The following STXBP4 variants were observed in gnomAD, a reference collection of about 807,000 sequenced individuals.
STXBP4 encodes the protein syntaxin binding protein 4.
A neutral mutation model predicts 76.1 loss-of-function variants in STXBP4; 55 were observed. That is an observed-to-expected ratio of 0.72 (90% CI 0.58 to 0.91). The LOEUF (loss-of-function observed/expected upper bound fraction) is 0.91. Ranked by LOEUF, STXBP4 falls within the 40% of genes least tolerant of loss-of-function variation. The probability of loss-of-function intolerance (pLI) is 0.00; values close to 1 mark genes in which losing one functional copy is unlikely to be tolerated. For missense variants in STXBP4, 618 were observed against 636.9 expected (o/e 0.97, Z 0.32); for synonymous variants, 201 against 220.2 (o/e 0.91, Z 0.77).
intron 10 of STXBP4, among the ~76,000 whole-genome samples, chr17:55,039,074 G>A (rs1057031100): frequency 6.6e-6 from 1 of 152,152 alleles, no homozygotes; most frequent in African/African-American, 2.4e-5. Context: ...TTTGTTATGT[G>A]CACATGTTAT....
intron 13 of STXBP4, among the ~76,000 whole-genome samples, chr17:55,074,090 A>G (rs2144879702): frequency 6.6e-6 from 1 of 152,338 alleles, no homozygotes; most frequent in East Asian, 1.9e-4. Context: ...ACTTACAAAC[A>G]TAACTGGTTA....
At chr17:55,111,010 G>C (rs545638723) in intron 16 of STXBP4, among the ~76,000 whole-genome samples, 2 of 152,148 alleles carry the variant, frequency 1.3e-5, no homozygotes, top group Admixed American at 1.3e-4. Flanking sequence ...GGTAAAGAAG[G>C]GGGAGCAGCA....
intron 16 of STXBP4, among the ~76,000 whole-genome samples, chr17:55,116,467 A>G (rs937402711): frequency 4.0e-5 from 6 of 151,774 alleles, no homozygotes; most frequent in African/African-American, 1.4e-4. Context: ...CTACTGCCCA[A>G]TGATGCTACA....
the STXBP4 span, among the ~76,000 whole-genome samples, chr17:55,205,422 A>G: frequency 6.6e-6 from 1 of 152,186 alleles, no homozygotes; most frequent in Admixed American, 6.5e-5. Context: ...CACAAAGTAA[A>G]AACAAATGAC....
chr17:55,077,521 C>T (rs1567750976), intron 13 of STXBP4, among the ~76,000 whole-genome samples: 1 of 152,120 alleles, frequency 6.6e-6, no homozygotes. Context: ...CTTCTGTTTT[C>T]CATTTGTGAC....
At chr17:55,178,146 C>A (rs763279037), downstream of STXBP4, among the ~76,000 whole-genome samples, 3 of 152,144 alleles carry the variant, frequency 2.0e-5, no homozygotes, top group Non-Finnish European at 4.4e-5. Flanking sequence ...AGATCTATTC[C>A]ACAAGCTGCA....
Position 54,996,219 on chromosome 17 carries a change from T to C in STXBP4, c.181-3126T>C, listed in dbSNP as rs187897874. 3.3e-5 allele frequency among the ~76,000 whole-genome samples: 5 copies of C among 150,176 alleles called. No homozygotes were observed. The Admixed American group carries it at 3.4e-4, about 10-fold the overall frequency. ...CTGTGAAGTTTAAGTCAGAGTTTAT[T>C]GCAGAGAAGTGGCAGGGTGGATGGT... is the stretch of plus-strand genomic sequence containing the variant. On this transcript the variant is annotated intron_variant, in intron 4 of 17. Transcript: ENST00000376352.
intron 1 of STXBP4, among the ~76,000 whole-genome samples, chr17:54,984,261 T>C (rs9902718): frequency 0.28 from 42,257 of 151,402 alleles, 6,173 homozygotes; most frequent in African/African-American, 0.35. Flanking sequence ...TTTTAGTCTT[T>C]AATCTCTCAG....
intron 8 of STXBP4, among the ~76,000 whole-genome samples, chr17:55,009,277 A>G (rs1426904402): frequency 6.6e-6 from 1 of 152,174 alleles, no homozygotes; most frequent in East Asian, 1.9e-4. Flanking sequence ...TAATAGTAAT[A>G]TTTTCAAAAA....
the STXBP4 span, among the ~76,000 whole-genome samples, chr17:55,188,273 T>C: frequency 1.3e-5 from 2 of 152,212 alleles, no homozygotes; most frequent in Non-Finnish European, 2.9e-5. Context: ...TAACTCACGG[T>C]AAGTTGCTGG....
chr17:55,072,146 A>G (rs1051977961), intron 12 of STXBP4, among the ~76,000 whole-genome samples: 2 of 152,152 alleles, frequency 1.3e-5, no homozygotes, highest in East Asian at 1.9e-4. Flanking sequence ...TTAATGTTGC[A>G]GTCAGGCAGA....
chr17:55,078,365 A>G (rs564599226), intron 14 of STXBP4, among the ~76,000 whole-genome samples, 171 bp downstream of exon 14: 13 of 152,184 alleles, frequency 8.5e-5, no homozygotes, highest in Non-Finnish European at 1.9e-4. Flanking sequence ...ACTGGCTAAC[A>G]TTTTATAGAT....
rs1327479367 is a variant in STXBP4, at chr17:55,043,043, TG to T, written c.856-192del. Among the ~76,000 whole-genome samples, 4 of 152,290 alleles carry T rather than the reference TG, an allele frequency of 2.6e-5. No individual in the cohort carries two copies. In the South Asian group the frequency reaches 8.3e-4, roughly 32 times the overall value. ...AAAATTCTATTATAAGTGACAACAA[TG>T]TAAGGTTAAAATGAATGAAATTGCT... On this transcript the variant is annotated intron_variant, in intron 10 of 17. Coordinates refer to ENST00000376352, the MANE Select transcript of STXBP4 (RefSeq NM_178509.6).
chr17:55,119,070 A>G (rs2079815341), intron 16 of STXBP4, among the ~76,000 whole-genome samples: 1 of 151,728 alleles, frequency 6.6e-6, no homozygotes, highest in East Asian at 1.9e-4. Flanking sequence ...CTCGTCATTT[A>G]CATTAGGTAT....
chr17:55,100,206 T>C (rs8082622), intron 16 of STXBP4, among the ~76,000 whole-genome samples: 110,781 of 152,068 alleles, frequency 0.73, 40,555 homozygotes, highest in East Asian at 0.91. Context: ...CTAAAGAGGG[T>C]GTGATTGTTT....
At chr17:55,186,435 G>T in the STXBP4 span, among the ~76,000 whole-genome samples, 1 of 152,126 alleles carries the variant, frequency 6.6e-6, no homozygotes, top group Non-Finnish European at 1.5e-5. Context: ...GAAAAAACTT[G>T]GTTGGCTTTG....
intron 16 of STXBP4, among the ~76,000 whole-genome samples, chr17:55,102,795 C>T (rs2079582655): frequency 6.6e-6 from 1 of 152,120 alleles, no homozygotes; most frequent in Non-Finnish European, 1.5e-5. Context: ...TCTGTTGTTT[C>T]CTGACTTTTT....
chr17:55,018,541 A>G (rs1223876276), intron 8 of STXBP4, among the ~76,000 whole-genome samples: 1 of 152,206 alleles, frequency 6.6e-6, no homozygotes, highest in Non-Finnish European at 1.5e-5. Context: ...TGTTTCATGC[A>G]TCCGTGTGAA....
At chr17:55,104,655 G>A (rs1027727426) in intron 16 of STXBP4, among the ~76,000 whole-genome samples, 6 of 152,182 alleles carry the variant, frequency 3.9e-5, no homozygotes, top group African/African-American at 1.4e-4. Flanking sequence ...ATGAGTTAGG[G>A]AGGAGTCCCT....
Sources: allele counts gnomAD v4.1 joint callset (sites outside exome capture counted in the v4.1 genomes callset), GRCh38; gene constraint gnomAD v4.1.1; transcripts MANE v1.5; gene names NCBI Gene and HGNC (gene_info 2026-07-23, HGNC 2026-07-21).